The following TMEM225B variants were observed in gnomAD, a reference collection of about 807,000 sequenced individuals.
The protein encoded by TMEM225B is transmembrane protein 225B, also known as transmembrane protein 225-like.
In TMEM225B, 10 loss-of-function variants were observed where a neutral mutation model predicts 16.9. That is an observed-to-expected ratio of 0.59 (90% CI 0.36 to 1.00). TMEM225B has a LOEUF of 1.00. Ranked by LOEUF, TMEM225B falls within the 50% of genes least tolerant of loss-of-function variation. The pLI, the probability that TMEM225B is intolerant of heterozygous loss-of-function variation, is 0.01. For synonymous variants in TMEM225B, 92 were observed against 109.8 expected, an observed-to-expected ratio of 0.84 and a Z score of 1.01; for missense variants, 217 against 267.0, an observed-to-expected ratio of 0.81 and a Z score of 1.30.
intron 3 of TMEM225B, among the ~76,000 whole-genome samples, chr7:99,605,285 C>G (rs576017084): frequency 6.6e-6 from 1 of 152,250 alleles, no homozygotes; most frequent in African/African-American, 2.4e-5. Context: ...GTTGCTTTTA[C>G]AGATGGGGAC....
intron 2 of TMEM225B, among the ~76,000 whole-genome samples, chr7:99,603,998 G>A (rs576616136): frequency 1.3e-5 from 2 of 152,116 alleles, no homozygotes; most frequent in East Asian, 3.9e-4. Context: ...CAAGCGATCC[G>A]CCTGTCTCAG....
At chr7:99,604,156 C>T (rs1245939962) in intron 2 of TMEM225B, among the ~76,000 whole-genome samples, 1 of 152,096 alleles carries the variant, frequency 6.6e-6, no homozygotes, top group Admixed American at 6.6e-5. Flanking sequence ...CCTGACATGC[C>T]CAAGATCACC....
upstream of TMEM225B, chr7:99,598,096 G>A (rs1008936504): frequency 2.6e-5 from 4 of 152,244 alleles, no homozygotes; most frequent in Admixed American, 6.5e-5. Flanking sequence ...AGACGCCAGG[G>A]CCTGGTTTCC....
chr7:99,605,175 A>C (rs1463312286), intron 3 of TMEM225B, among the ~76,000 whole-genome samples: 1 of 152,186 alleles, frequency 6.6e-6, no homozygotes, highest in Non-Finnish European at 1.5e-5. Context: ...ACTCATTTTC[A>C]CATGGGTCTG....
intron 5 of TMEM225B, among the ~76,000 whole-genome samples, chr7:99,609,656 G>A (rs562320666): frequency 2.0e-4 from 31 of 152,006 alleles, no homozygotes; most frequent in African/African-American, 7.2e-4. Flanking sequence ...GGCTGGTCTC[G>A]AACTCCTGAC....
chr7:99,600,320 C>A (rs1473852927), intron 2 of TMEM225B, 35 bp downstream of exon 2: 1 of 702,494 alleles, frequency 1.4e-6, no homozygotes, highest in Non-Finnish European at 2.6e-6. Context: ...GAGGGAGTGG[C>A]TGGGAGGGCT....
intron 2 of TMEM225B, among the ~76,000 whole-genome samples, chr7:99,602,519 G>C (rs1805456148): frequency 6.6e-6 from 1 of 152,098 alleles, no homozygotes; most frequent in Admixed American, 6.5e-5. Context: ...TCATTGGGCA[G>C]GTGTTATAAT....
chr7:99,608,858 T>TATATATATATACACAC lies in TMEM225B; in HGVS notation c.493+1049_493+1050insTATATATATACACACA, dbSNP rs536627768. On this transcript the variant is annotated intron_variant, in intron 5 of 5. Transcript: ENST00000431679. ...GTGCACGTATATATATATATATATA[T>TATATATATATACACAC]ACACACACACATATATGTGTATATA... is the stretch of plus-strand genomic sequence containing the variant. 1.2e-3 allele frequency among the ~76,000 whole-genome samples: 175 copies of TATATATATATACACAC among 144,430 alleles called. 2 individuals are homozygous for TATATATATATACACAC. The highest frequency in any genetic ancestry group is 4.7e-3 in the African/African-American group (167 of 35,656). The allele number at this position is 144,430 out of a possible 152,430, so 94.8% of individuals were successfully genotyped here. A position where few individuals can be genotyped will look rare whatever the true frequency, so the allele number is the denominator to read the frequency against.
intron 2 of TMEM225B, among the ~76,000 whole-genome samples, chr7:99,602,171 C>T (rs1203782363): frequency 6.6e-6 from 1 of 152,248 alleles, no homozygotes; most frequent in African/African-American, 2.4e-5. Context: ...CGAGGGTCAT[C>T]ACAGTGCCAC....
Position 99,606,727 on chromosome 7 carries a change from C to G in TMEM225B, c.209-21C>G, listed in dbSNP as rs1179531239. On this transcript the variant is annotated intron_variant, in intron 3 of 5. Coordinates refer to ENST00000431679, the MANE Select transcript of TMEM225B (RefSeq NM_001195541.3). ...CGGGTCAGGGTTCCCAGCTTCAGCCCCACTTCTCCCTCCCCTGCAGTTTAC... is the reference window on the plus strand; with the variant it reads ...CGGGTCAGGGTTCCCAGCTTCAGCCGCACTTCTCCCTCCCCTGCAGTTTAC... 3 of 1,535,090 alleles carry G rather than the reference C, an allele frequency of 2.0e-6. No individual in the cohort carries two copies. In the African/African-American group the frequency reaches 4.1e-5, roughly 21 times the overall value.
chr7:99,608,836 C>T (rs1806067106), intron 5 of TMEM225B, among the ~76,000 whole-genome samples: 2 of 116,560 alleles, frequency 1.7e-5, no homozygotes, highest in African/African-American at 1.1e-4. Context: ...TGTGTGTGTG[C>T]ACGTATATAT....
At chr7:99,604,810 A>G (rs903518524) in intron 3 of TMEM225B, among the ~76,000 whole-genome samples, 1 of 152,152 alleles carries the variant, frequency 6.6e-6, no homozygotes, top group African/African-American at 2.4e-5. Context: ...CCTGGGCAAC[A>G]TAGCCAAACC....
intron 2 of TMEM225B, among the ~76,000 whole-genome samples, chr7:99,601,205 C>T (rs1805330756): frequency 6.6e-6 from 1 of 152,144 alleles, no homozygotes; most frequent in African/African-American, 2.4e-5. Context: ...GTCCAACAGA[C>T]TTCATCATTT....
intron 3 of TMEM225B, among the ~76,000 whole-genome samples, chr7:99,605,033 C>G (rs903700343): frequency 6.9e-6 from 1 of 145,732 alleles, no homozygotes; most frequent in East Asian, 2.0e-4. Flanking sequence ...ACAACAACAA[C>G]AAAACACAAA....
At chr7:99,605,193 C>T (rs1805700924) in intron 3 of TMEM225B, among the ~76,000 whole-genome samples, 1 of 152,126 alleles carries the variant, frequency 6.6e-6, no homozygotes, top group Admixed American at 6.6e-5. Flanking sequence ...CTGCATCATG[C>T]CAGCAGTCAG....
chr7:99,600,511 C>T (rs887832270), intron 2 of TMEM225B, among the ~76,000 whole-genome samples: 2 of 152,130 alleles, frequency 1.3e-5, no homozygotes, highest in African/African-American at 4.8e-5. Context: ...TTAATTGACT[C>T]GCACCACATG....
At position 99,604,545 on chromosome 7, in the gene TMEM225B, C is replaced by G. The variant is rs1230334756; in HGVS notation, c.157C>G (p.Leu53Val). The change falls in exon 3 of 6, where the codon CTA becomes GTA. Residue 53 changes from leucine to valine, a missense_variant. Coordinates refer to ENST00000431679, the MANE Select transcript of TMEM225B (RefSeq NM_001195541.3). Reference protein sequence around the residue: ...EESHEVFFSGLFENCFNAKCW... With the variant: ...EESHEVFFSGVFENCFNAKCW... Reference sequence around the variant, plus strand: ...GTCCCACGAAGTCTTTTTCAGTGGCCTATTTGAGAACTGCTTCAATGCCAA... The same window carrying G: ...GTCCCACGAAGTCTTTTTCAGTGGCGTATTTGAGAACTGCTTCAATGCCAA... 1 of 1,536,042 alleles carries G rather than the reference C, an allele frequency of 6.5e-7. No homozygotes were observed. The highest frequency in any genetic ancestry group is 2.4e-5 in the East Asian group (1 of 40,926).
rs1220399247 is a variant in TMEM225B at position 99,610,430 on chromosome 7, C to G, written c.531C>G (p.Cys177Trp). The G allele has an allele frequency of 5.2e-6, 8 of 1,536,070 alleles. No individual in the cohort carries two copies. The highest frequency in any genetic ancestry group is 7.0e-6 in the Non-Finnish European group (8 of 1,146,908). The change falls in exon 6 of 6, where the codon TGC becomes TGG. Residue 177 changes from cysteine (C) to tryptophan (W), a missense_variant. Coordinates refer to ENST00000431679, the MANE Select transcript of TMEM225B (RefSeq NM_001195541.3). ...TCATTCAAGAAATGGTTTGCCCTTG[C>G]TGGCACTTGTTGTCCACTTCCCAGA... is the stretch of plus-strand genomic sequence containing the variant. Reference protein sequence around the residue: ...ICLIQEMVCPCWHLLSTSQSM... With the variant: ...ICLIQEMVCPWWHLLSTSQSM...
At chr7:99,606,183 G>A (rs540357227) in intron 3 of TMEM225B, among the ~76,000 whole-genome samples, 7 of 152,182 alleles carry the variant, frequency 4.6e-5, no homozygotes, top group Admixed American at 2.0e-4. Context: ...TCATCCCAGC[G>A]CGTTGAGAGG....
Sources: allele counts gnomAD v4.1 joint callset (sites outside exome capture counted in the v4.1 genomes callset), GRCh38; gene constraint gnomAD v4.1.1; transcripts MANE v1.5; gene names NCBI Gene and HGNC (gene_info 2026-07-23, HGNC 2026-07-21).